Variants in ZZZ3 observed in about 807,000 individuals in gnomAD.
The protein encoded by ZZZ3 is ZZ-type zinc finger-containing protein 3.
A neutral mutation model predicts 95.2 loss-of-function variants in ZZZ3; 22 were observed. That is an observed-to-expected ratio of 0.23 (90% CI 0.17 to 0.33). The LOEUF is 0.33. Ranked by LOEUF, ZZZ3 falls within the 10% of genes least tolerant of loss-of-function variation. The probability of loss-of-function intolerance (pLI) is 1.00; values close to 1 mark genes in which losing one functional copy is unlikely to be tolerated. For synonymous variants in ZZZ3, 335 were observed against 358.9 expected (o/e 0.93, Z 0.75); for missense variants, 885 against 1,066.5 (o/e 0.83, Z 2.37).
rs2100885467 is a variant in ZZZ3, at chr1:77,638,585, TAC to T, written c.-52+862_-52+863del. On this transcript the variant is annotated intron_variant, in intron 4 of 14. Transcript: ENST00000370801. ...GTTCCTACTATAATCACCAAAGTGG[TAC>T]AGTTTATTTTGGGAATTGAGCAGCT... Among the ~76,000 whole-genome samples the T allele has an allele frequency of 2.6e-5, 4 of 152,354 alleles. No homozygotes were observed. In the South Asian group the frequency reaches 8.3e-4, roughly 32 times the overall value.
At chr1:77,603,199 C>G (rs963141012) in intron 5 of ZZZ3, among the ~76,000 whole-genome samples, 6 of 152,100 alleles carry the variant, frequency 3.9e-5, no homozygotes, top group African/African-American at 1.4e-4. Context: ...CCACCTCAAC[C>G]TCCCAAGTAG....
In ZZZ3 at chr1:77,579,574, G is replaced by A. The variant is rs1418324557; in HGVS notation, c.2035C>T (p.Arg679Cys). Residue 679 changes from arginine (R) to cysteine (C), a missense_variant, in exon 10 of 15, where the codon CGC becomes TGC. Transcript: ENST00000370801. ...KYPPEEVESR[R>C]WQKIADELGN... ...AATTCATCTGCTATCTTCTGCCAGC[G>A]TCGAGATTCTACTTCTTCAGGAGGG... 6.3e-7 allele frequency: 1 copy of A among 1,587,170 alleles called. No individual in the cohort carries two copies. Among genetic ancestry groups the A allele is most frequent in the African/African-American group, 1.4e-5 (1 of 72,796 alleles).
intron 5 of ZZZ3, among the ~76,000 whole-genome samples, chr1:77,609,087 C>T (rs958864346): frequency 2.0e-5 from 3 of 151,998 alleles, no homozygotes; most frequent in African/African-American, 7.2e-5. Context: ...AAGACACAGA[C>T]TGGCTGAACG....
At chr1:77,575,503 C>A (rs933109680) in intron 12 of ZZZ3, among the ~76,000 whole-genome samples, 3 of 152,074 alleles carry the variant, frequency 2.0e-5, no homozygotes, top group Admixed American at 1.3e-4. Context: ...TATGAATTTA[C>A]AGGAAGTTCA....
At chr1:77,662,662 A>C (rs1244160434) in intron 1 of ZZZ3, among the ~76,000 whole-genome samples, 1 of 152,126 alleles carries the variant, frequency 6.6e-6, no homozygotes, top group Non-Finnish European at 1.5e-5. Flanking sequence ...ATGGTGGCTC[A>C]GGCCTGTAAT....
chr1:77,673,078 T>C (rs1456667050), intron 1 of ZZZ3, among the ~76,000 whole-genome samples: 2 of 152,216 alleles, frequency 1.3e-5, no homozygotes, highest in African/African-American at 4.8e-5. Flanking sequence ...TCAACAACTA[T>C]TGGCCATTTA....
chr1:77,577,097 C>A (rs1570409098), intron 11 of ZZZ3, among the ~76,000 whole-genome samples: 1 of 152,208 alleles, frequency 6.6e-6, no homozygotes, highest in Admixed American at 6.5e-5. Context: ...GCCTGCCTGT[C>A]TTGATCAATA....
upstream of ZZZ3, among the ~76,000 whole-genome samples, chr1:77,683,017 T>C (rs1672941133): frequency 6.6e-6 from 1 of 151,004 alleles, no homozygotes; most frequent in African/African-American, 2.4e-5. Context: ...CCCGACGCCC[T>C]CCCAAAAGCC....
intron 5 of ZZZ3, among the ~76,000 whole-genome samples, chr1:77,611,853 A>T (rs1557724803): frequency 1.3e-5 from 2 of 152,022 alleles, no homozygotes; most frequent in Non-Finnish European, 1.5e-5. Context: ...AGACCTAAAT[A>T]TAAGACCCAA....
chr1:77,659,979 CT>C (rs1670640626), intron 1 of ZZZ3, among the ~76,000 whole-genome samples: 1 of 152,058 alleles, frequency 6.6e-6, no homozygotes, highest in Non-Finnish European at 1.5e-5. Context: ...ACTACAGGGG[CT>C]TGCCACCACA....
At chr1:77,621,004 G>A (rs1339967428) in intron 5 of ZZZ3, among the ~76,000 whole-genome samples, 2 of 152,106 alleles carry the variant, frequency 1.3e-5, no homozygotes, top group East Asian at 1.9e-4. Context: ...TTTTTTTGTA[G>A]AAACAAAAGC....
intron 5 of ZZZ3, among the ~76,000 whole-genome samples, chr1:77,612,686 G>A (rs575058013): frequency 6.3e-4 from 95 of 151,866 alleles, no homozygotes; most frequent in Non-Finnish European, 1.3e-3. Flanking sequence ...GCCAGACACA[G>A]AAAGACAAAT....
intron 12 of ZZZ3, among the ~76,000 whole-genome samples, chr1:77,570,828 A>ATTTTTTTTTT (rs1234908458): frequency 2.4e-5 from 3 of 123,756 alleles, no homozygotes; most frequent in African/African-American, 6.4e-5. Flanking sequence ...AGCCTGGCTA[A>ATTTTTTTTTT]TTTTTTTTTT....
In ZZZ3 at chr1:77,563,179, C is replaced by T. The variant is rs904509218; in HGVS notation, c.*2461G>A. The T allele has an allele frequency of 1.3e-5, 2 of 151,992 alleles. No homozygotes were observed. 9.4% of individuals were successfully genotyped at this position (151,992 alleles called of 1,614,324 possible). Reference sequence around the variant, plus strand: ...TCTTAAGATGTGCAAATAACTTGAGCACAATATATCAGGAAATAGATCTTA... The same window carrying T: ...TCTTAAGATGTGCAAATAACTTGAGTACAATATATCAGGAAATAGATCTTA... On this transcript the variant is annotated 3_prime_UTR_variant, in exon 15 of 15. Transcript: ENST00000370801.
intron 1 of ZZZ3, among the ~76,000 whole-genome samples, chr1:77,666,512 G>A (rs371283185): frequency 6.6e-6 from 1 of 152,072 alleles, no homozygotes; most frequent in Non-Finnish European, 1.5e-5. Context: ...CAGCCTGGGC[G>A]ACACAGAGCC....
intron 5 of ZZZ3, among the ~76,000 whole-genome samples, chr1:77,586,513 T>C (rs1663095427): frequency 1.3e-5 from 2 of 152,178 alleles, no homozygotes; most frequent in African/African-American, 4.8e-5. Context: ...AAACAGACAC[T>C]GGGAAGAAGG....
intron 1 of ZZZ3, among the ~76,000 whole-genome samples, chr1:77,642,078 G>A (rs1378704085): frequency 6.6e-6 from 1 of 152,102 alleles, no homozygotes; most frequent in Admixed American, 6.5e-5. Context: ...GATAATGACG[G>A]TCCTTTAAAT....
intron 5 of ZZZ3, among the ~76,000 whole-genome samples, chr1:77,590,294 A>C (rs901828242): frequency 6.6e-6 from 1 of 152,168 alleles, no homozygotes; most frequent in African/African-American, 2.4e-5. Flanking sequence ...GAACTGCTTG[A>C]ACCCGGGAGG....
chr1:77,666,197 T>C (rs1177724050), intron 1 of ZZZ3, among the ~76,000 whole-genome samples: 1 of 152,154 alleles, frequency 6.6e-6, no homozygotes, highest in Non-Finnish European at 1.5e-5. Flanking sequence ...CACTGCAATG[T>C]TCCTAGGGCT....
Sources: allele counts gnomAD v4.1 joint callset (sites outside exome capture counted in the v4.1 genomes callset), GRCh38; gene constraint gnomAD v4.1.1; transcripts MANE v1.5; gene names NCBI Gene and HGNC (gene_info 2026-07-23, HGNC 2026-07-21).